Variants in RIC1 observed in about 807,000 individuals in gnomAD.
RIC1 encodes the protein guanine nucleotide exchange factor subunit RIC1.
In RIC1, 88 loss-of-function variants were observed where a neutral mutation model predicts 169.0. That is an observed-to-expected ratio of 0.52 (90% confidence interval 0.44 to 0.62). The LOEUF (loss-of-function observed/expected upper bound fraction) is 0.62, where lower values mean the gene tolerates loss of function less well. Among genes scored for constraint, RIC1 ranks in the 20% least tolerant of loss-of-function variants. The probability of loss-of-function intolerance (pLI) is 0.00; values close to 1 mark genes in which losing one functional copy is unlikely to be tolerated. For missense variants in RIC1, 1,877 were observed against 1,725.5 expected (o/e 1.09, Z -1.56); for synonymous variants, 790 against 601.5 (o/e 1.31, Z -4.59).
chr9:5,635,715 A>G (rs1394334838), intron 1 of RIC1, among the ~76,000 whole-genome samples: 1 of 152,180 alleles, frequency 6.6e-6, no homozygotes, highest in Non-Finnish European at 1.5e-5. Context: ...ATTAGATCAT[A>G]GCGGGAGTTT....
intron 1 of RIC1, among the ~76,000 whole-genome samples, chr9:5,633,107 C>T (rs1409091495): frequency 6.6e-6 from 1 of 152,110 alleles, no homozygotes; most frequent in African/African-American, 2.4e-5. Flanking sequence ...CAAATAATTA[C>T]TAGGCTTATA....
chr9:5,681,179 T>G (rs998809011), intron 2 of RIC1, among the ~76,000 whole-genome samples: 2 of 152,186 alleles, frequency 1.3e-5, no homozygotes, highest in African/African-American at 2.4e-5. Flanking sequence ...TGCTCTGATC[T>G]TAGTTATTTC....
At chr9:5,644,181 T>G (rs1265602609) in intron 1 of RIC1, among the ~76,000 whole-genome samples, 1 of 152,160 alleles carries the variant, frequency 6.6e-6, no homozygotes, top group Non-Finnish European at 1.5e-5. Context: ...TTTAGAACAT[T>G]TATATCAGCC....
intron 25 of RIC1, 44 bp from the exon 26 acceptor site, chr9:5,773,914 T>C: frequency 6.6e-7 from 1 of 1,504,716 alleles, no homozygotes; most frequent in South Asian, 1.3e-5. Context: ...TACCAAACCT[T>C]TTGAATTATG....
intron 6 of RIC1, among the ~76,000 whole-genome samples, chr9:5,721,447 C>T (rs184271105): frequency 3.3e-5 from 5 of 152,322 alleles, no homozygotes; most frequent in East Asian, 3.9e-4. Context: ...AGCACACACG[C>T]GCGTGCACAC....
chr9:5,725,011 A>T (rs1220057548), intron 6 of RIC1, among the ~76,000 whole-genome samples: 1 of 152,156 alleles, frequency 6.6e-6, no homozygotes, highest in African/African-American at 2.4e-5. Context: ...TATTGGTCTA[A>T]TATTCTCTTT....
chr9:5,633,497 CCTTT>C (rs1817820882), intron 1 of RIC1, among the ~76,000 whole-genome samples: 1 of 152,136 alleles, frequency 6.6e-6, no homozygotes. Context: ...CTGTTGAAAT[CCTTT>C]CTTTATGAGT....
At chr9:5,707,504 C>T (rs890711478) in intron 3 of RIC1, among the ~76,000 whole-genome samples, 2 of 151,982 alleles carry the variant, frequency 1.3e-5, no homozygotes, top group Non-Finnish European at 2.9e-5. Flanking sequence ...CTATTTTTCC[C>T]TTCAGTTTTG....
chr9:5,737,613 T>C (rs1260028449), intron 7 of RIC1, among the ~76,000 whole-genome samples: 3 of 151,650 alleles, frequency 2.0e-5, no homozygotes, highest in Admixed American at 2.0e-4. Context: ...TTTTATATCT[T>C]AAACGTATAT....
intron 10 of RIC1, among the ~76,000 whole-genome samples, chr9:5,745,556 G>GCTT (rs1185815660): frequency 2.0e-5 from 3 of 152,124 alleles, no homozygotes; most frequent in African/African-American, 7.2e-5. Context: ...TCTTTGCCAG[G>GCTT]CTTCTACTGG....
At chr9:5,770,377 T>C (rs1827125858) in intron 23 of RIC1, 99 bp downstream of exon 23, 2 of 1,087,196 alleles carry the variant, frequency 1.8e-6, no homozygotes, top group African/African-American at 3.2e-5. Context: ...TCTATCGTGA[T>C]GGAGGATTAA....
intron 6 of RIC1, among the ~76,000 whole-genome samples, chr9:5,729,469 T>C (rs1824221898): frequency 6.6e-6 from 1 of 152,200 alleles, no homozygotes; most frequent in Non-Finnish European, 1.5e-5. Context: ...CATTCTTCCC[T>C]GTCAGTTAAG....
chr9:5,715,806 C>A (rs564386105), intron 4 of RIC1, among the ~76,000 whole-genome samples: 1 of 151,186 alleles, frequency 6.6e-6, no homozygotes, highest in African/African-American at 2.4e-5. Flanking sequence ...CTTCCCCTCC[C>A]CTCCCATCCC....
chr9:5,704,442 G>A (rs1822433413), intron 3 of RIC1, among the ~76,000 whole-genome samples: 2 of 151,944 alleles, frequency 1.3e-5, no homozygotes, highest in Non-Finnish European at 2.9e-5. Context: ...AAACTCCTGG[G>A]CTCAAGCAAT....
intron 2 of RIC1, among the ~76,000 whole-genome samples, chr9:5,659,772 A>G (rs941565244): frequency 3.3e-5 from 5 of 152,028 alleles, no homozygotes; most frequent in Admixed American, 2.0e-4. Context: ...TTTTGATGCT[A>G]TTGTAAATGG....
At chr9:5,742,153 A>G (rs970660548) in intron 8 of RIC1, among the ~76,000 whole-genome samples, 4 of 151,966 alleles carry the variant, frequency 2.6e-5, no homozygotes, top group Non-Finnish European at 5.9e-5. Context: ...CTTTTTTCTC[A>G]TTCTCTCTTA....
intron 3 of RIC1, among the ~76,000 whole-genome samples, chr9:5,694,796 C>T (rs1339586583): frequency 4.2e-5 from 6 of 143,612 alleles, no homozygotes; most frequent in Admixed American, 2.1e-4. Context: ...TTTTTGGTGG[C>T]TTTTTTTTTT....
At chr9:5,727,071 C>T (rs1343454085) in intron 6 of RIC1, among the ~76,000 whole-genome samples, 2 of 151,982 alleles carry the variant, frequency 1.3e-5, no homozygotes, top group African/African-American at 4.8e-5. Flanking sequence ...TGTGGCGTTC[C>T]CTGTATTTCC....
chr9:5,769,493 T>C, intron 22 of RIC1: 1 of 1,410,404 alleles, frequency 7.1e-7, no homozygotes, highest in Non-Finnish European at 9.3e-7. Flanking sequence ...AATCTAATCA[T>C]ACTTGGATTA....
Sources: gnomAD v4.1 joint callset for allele counts (sites outside exome capture counted in the v4.1 genomes callset) on GRCh38, gnomAD v4.1.1 for gene constraint, MANE v1.5 for transcripts, NCBI Gene and HGNC (gene_info 2026-07-23, HGNC 2026-07-21) for gene names.